The following SNX25 variants were observed in gnomAD, a reference collection of about 807,000 sequenced individuals.
SNX25 encodes the protein sorting nexin 25.
A neutral mutation model predicts 113.7 loss-of-function variants in SNX25; 62 were observed. The observed-to-expected ratio is 0.55, with a 90% CI of 0.44 to 0.67. The LOEUF is 0.67. SNX25 is among the 30% of genes least tolerant of loss of function. The pLI is 0.00. For synonymous variants in SNX25, 421 were observed against 436.2 expected, an observed-to-expected ratio of 0.97 and a Z score of 0.43; for missense variants, 1,014 against 1,161.0, an observed-to-expected ratio of 0.87 and a Z score of 1.84.
intron 8 of SNX25, among the ~76,000 whole-genome samples, chr4:185,322,248 T>C (rs955350338): frequency 6.6e-6 from 1 of 152,152 alleles, no homozygotes; most frequent in Non-Finnish European, 1.5e-5. Flanking sequence ...CTGGCCGACA[T>C]GGTGAAACCC....
the SNX25 span, chr4:185,377,101 C>A: frequency 1.0e-6 from 1 of 983,696 alleles, no homozygotes; most frequent in Non-Finnish European, 1.6e-6. Flanking sequence ...TAAAATCCAT[C>A]TAACACTGTT....
rs1198494875 is a variant in SNX25 at position 185,267,007 on chromosome 4, T to C, written c.943T>C (p.Tyr315His). 6.2e-7 allele frequency: 1 copy of C among 1,613,916 alleles called. No individual in the cohort carries two copies. The highest frequency in any genetic ancestry group is 1.7e-5 in the Admixed American group (1 of 59,994). The stretch of plus-strand genomic sequence containing the variant: ...AGTGGAGTTACTGAGTAATCCAGAT[T>C]ACATTAACCAAATGCTGCTTGCCCA... ...PVVELLSNPDYINQMLLAQLA... is the reference protein window; with the variant it reads ...PVVELLSNPDHINQMLLAQLA... The change falls in exon 5 of 19, where the codon TAC (tyrosine) becomes CAC (histidine). Residue 315 changes from tyrosine (Y) to histidine (H), a missense_variant. Transcript: ENST00000652585.
intron 6 of SNX25, among the ~76,000 whole-genome samples, chr4:185,309,446 G>C (rs1332043332): frequency 6.6e-6 from 1 of 152,196 alleles, no homozygotes; most frequent in Non-Finnish European, 1.5e-5. Flanking sequence ...CATTGCAGCC[G>C]TTTTTGGAAA....
downstream of SNX25, chr4:185,370,605 CTT>C (rs1190611015): frequency 5.0e-6 from 8 of 1,601,754 alleles, no homozygotes; most frequent in Non-Finnish European, 4.3e-6. Flanking sequence ...GGCAGTTTCT[CTT>C]TGGGTGAATT....
At chr4:185,225,035 A>G (rs1466770225) in intron 1 of SNX25, among the ~76,000 whole-genome samples, 2 of 151,922 alleles carry the variant, frequency 1.3e-5, no homozygotes, top group African/African-American at 4.8e-5. Context: ...TCCTCTATGG[A>G]AGGATCTGAA....
chr4:185,225,961 T>C (rs972430778), intron 1 of SNX25, among the ~76,000 whole-genome samples: 1 of 152,216 alleles, frequency 6.6e-6, no homozygotes, highest in African/African-American at 2.4e-5. Context: ...TTAAAACAAC[T>C]TGGGAAGCTT....
intron 5 of SNX25, among the ~76,000 whole-genome samples, chr4:185,283,547 A>C (rs1750944216): frequency 6.6e-6 from 1 of 152,210 alleles, no homozygotes; most frequent in African/African-American, 2.4e-5. Flanking sequence ...TGGAAAGATG[A>C]TCTGGCATTG....
chr4:185,240,761 C>T (rs1431223124), intron 1 of SNX25, among the ~76,000 whole-genome samples: 2 of 151,496 alleles, frequency 1.3e-5, no homozygotes, highest in East Asian at 2.0e-4. Context: ...ACTTCCCAGA[C>T]GGAGTGGCTG....
intron 6 of SNX25, among the ~76,000 whole-genome samples, chr4:185,293,826 G>T (rs536531179): frequency 8.5e-5 from 13 of 152,192 alleles, no homozygotes; most frequent in African/African-American, 3.1e-4. Context: ...TACCATGAGG[G>T]ATTGCAGCAC....
intron 5 of SNX25, among the ~76,000 whole-genome samples, chr4:185,287,353 C>T (rs1258926506): frequency 6.6e-6 from 1 of 152,164 alleles, no homozygotes; most frequent in African/African-American, 2.4e-5. Flanking sequence ...TGATGCGAGT[C>T]CTGGTGCAGA....
At chr4:185,277,672 C>G (rs1560961002) in intron 5 of SNX25, among the ~76,000 whole-genome samples, 1 of 148,354 alleles carries the variant, frequency 6.7e-6, no homozygotes, top group Non-Finnish European at 1.5e-5. Flanking sequence ...AATAATAAAA[C>G]TAATGAATAA....
At chr4:185,350,397 T>C (rs2095309343) in intron 13 of SNX25, among the ~76,000 whole-genome samples, 1 of 152,220 alleles carries the variant, frequency 6.6e-6, no homozygotes. Flanking sequence ...CTAAGCCCAG[T>C]GTCTTATAAT....
chr4:185,210,217 C>G lies in SNX25; in HGVS notation c.391C>G (p.Arg131Gly), dbSNP rs868795597. Reference sequence around the variant, plus strand: ...GCCCGACTTCGCCGCCGCCTGGAGCCGGCTGGCCGCGACCTCAGCCGCCCG... The same window carrying G: ...GCCCGACTTCGCCGCCGCCTGGAGCGGGCTGGCCGCGACCTCAGCCGCCCG... The part of the protein sequence containing the change: ...QPPDFAAAWS[R>G]LAATSAARRP... The change falls in exon 1 of 19, where the codon CGG becomes GGG. Residue 131 changes from arginine (R) to glycine (G), a missense_variant. Physicochemically the swap from Arg to Gly is moderately radical, Grantham distance 125 (BLOSUM62 -2). Transcript: ENST00000652585. The surrounding 1 kb of genome is among the most constrained non-coding windows in gnomAD (Gnocchi z 4.4). 7 of 984,710 alleles carry G rather than the reference C, an allele frequency of 7.1e-6. No homozygotes were observed. The highest frequency in any genetic ancestry group is 8.4e-6 in the Non-Finnish European group (7 of 829,998). The allele number at this position is 984,710 out of a possible 1,614,324, so 61.0% of individuals were successfully genotyped here. A position where few individuals can be genotyped will look rare whatever the true frequency, so the allele number is the denominator to read the frequency against.
intron 1 of SNX25, among the ~76,000 whole-genome samples, chr4:185,245,149 T>C (rs1019349721): frequency 2.0e-5 from 3 of 151,978 alleles, no homozygotes; most frequent in African/African-American, 7.3e-5. Flanking sequence ...GAAAAAAAAA[T>C]GTTCTGCAAT....
At chr4:185,308,329 T>A (rs1754759393) in intron 6 of SNX25, among the ~76,000 whole-genome samples, 1 of 152,244 alleles carries the variant, frequency 6.6e-6, no homozygotes, top group Non-Finnish European at 1.5e-5. Context: ...AAATATTTGC[T>A]TGACGTGGCA....
At chr4:185,354,633 A>G (rs1231684114) in intron 15 of SNX25, among the ~76,000 whole-genome samples, 2 of 152,228 alleles carry the variant, frequency 1.3e-5, no homozygotes, top group Non-Finnish European at 2.9e-5. Flanking sequence ...ATGGGGATCA[A>G]AGTTCCATTT....
chr4:185,344,690 G>T (rs149391635), intron 12 of SNX25, among the ~76,000 whole-genome samples: 2 of 152,154 alleles, frequency 1.3e-5, no homozygotes, highest in Non-Finnish European at 2.9e-5. Flanking sequence ...AAGCCACGCT[G>T]CTCCTTTACA....
the SNX25 span, chr4:185,377,966 T>C: frequency 1.2e-6 from 1 of 860,128 alleles, no homozygotes; most frequent in Non-Finnish European, 1.8e-6. Flanking sequence ...GGACTAATGA[T>C]TAACCACTTC....
chr4:185,319,921 A>C (rs2095106852), intron 7 of SNX25, among the ~76,000 whole-genome samples: 2 of 152,224 alleles, frequency 1.3e-5, no homozygotes, highest in Non-Finnish European at 2.9e-5. Flanking sequence ...CAAGACCACG[A>C]TGAGATACCA....
Sources: allele counts gnomAD v4.1 joint callset (sites outside exome capture counted in the v4.1 genomes callset), GRCh38; gene constraint gnomAD v4.1.1; non-coding constraint Gnocchi (gnomAD v3.1); transcripts MANE v1.5; gene names NCBI Gene and HGNC (gene_info 2026-07-23, HGNC 2026-07-21).